TNRC6C: variants seen among roughly 807,000 people sequenced by gnomAD.
TNRC6C encodes the protein trinucleotide repeat-containing gene 6C protein.
A neutral mutation model predicts 153.7 loss-of-function variants in TNRC6C; 20 were observed. The ratio of observed to expected loss-of-function variants is 0.13; its 90% CI spans 0.09 to 0.19. TNRC6C has a LOEUF of 0.19. TNRC6C is among the 10% of genes least tolerant of loss of function. The probability of loss-of-function intolerance (pLI) is 1.00; values close to 1 mark genes in which losing one functional copy is unlikely to be tolerated. For missense variants in TNRC6C, 1,987 were observed against 2,172.0 expected, an observed-to-expected ratio of 0.91 and a Z score of 1.69; for synonymous variants, 811 against 841.4, an observed-to-expected ratio of 0.96 and a Z score of 0.63.
chr17:77,960,048 A>T (rs138512201), intron 1 of TNRC6C, among the ~76,000 whole-genome samples: 49 of 152,138 alleles, frequency 3.2e-4, no homozygotes, highest in African/African-American at 1.2e-3. Context: ...TGCTGCTTGG[A>T]TGTTGTGCCG....
At chr17:78,090,500 G>A (rs2073374135) in intron 13 of TNRC6C, among the ~76,000 whole-genome samples, 2 of 152,348 alleles carry the variant, frequency 1.3e-5, no homozygotes, top group South Asian at 4.1e-4. Flanking sequence ...TATGTGGTAA[G>A]GGGAACTGCA....
chr17:78,044,259 A>G (rs1394311349), intron 2 of TNRC6C, among the ~76,000 whole-genome samples: 1 of 152,248 alleles, frequency 6.6e-6, no homozygotes, highest in Non-Finnish European at 1.5e-5. Context: ...GCTAGTCAAC[A>G]TGGCAACCTA....
intron 13 of TNRC6C, among the ~76,000 whole-genome samples, chr17:78,090,290 A>T (rs567426639): frequency 6.6e-6 from 1 of 151,694 alleles, no homozygotes; most frequent in African/African-American, 2.4e-5. Context: ...CAGGACAGAC[A>T]CTCTCTGGTT....
chr17:78,073,823 G>A (rs1193790653), intron 7 of TNRC6C, among the ~76,000 whole-genome samples: 1 of 151,994 alleles, frequency 6.6e-6, no homozygotes, highest in African/African-American at 2.4e-5. Flanking sequence ...TTCTGACCCT[G>A]GATAATGTGA....
chr17:77,984,366 A>C (rs1327934719), intron 1 of TNRC6C, among the ~76,000 whole-genome samples: 2 of 150,352 alleles, frequency 1.3e-5, no homozygotes, highest in Non-Finnish European at 1.5e-5. Context: ...TAAAAAAAAA[A>C]AACAAAAAAA....
At chr17:78,030,484 C>T (rs113802527) in intron 1 of TNRC6C, among the ~76,000 whole-genome samples, 2,362 of 152,176 alleles carry the variant, frequency 0.016, 57 homozygotes, top group African/African-American at 0.054. Flanking sequence ...ACCACAAACA[C>T]GTGAGTAATG....
At chr17:78,064,057 G>A (rs1338642811) in intron 3 of TNRC6C, among the ~76,000 whole-genome samples, 1 of 152,072 alleles carries the variant, frequency 6.6e-6, no homozygotes, top group African/African-American at 2.4e-5. Flanking sequence ...ATTTTTTCAT[G>A]TTTTGAGACA....
intron 3 of TNRC6C, among the ~76,000 whole-genome samples, chr17:78,052,330 G>C (rs2072554035): frequency 6.6e-6 from 1 of 152,160 alleles, no homozygotes; most frequent in South Asian, 2.1e-4. Flanking sequence ...GAGGGTTGCT[G>C]GGCAATGTCA....
chr17:77,976,542 G>A (rs761020065), intron 1 of TNRC6C, among the ~76,000 whole-genome samples: 1 of 152,130 alleles, frequency 6.6e-6, no homozygotes, highest in Non-Finnish European at 1.5e-5. Flanking sequence ...ATGTGGTGTT[G>A]GATTCTTCAT....
chr17:78,092,602 A>G (rs2073413029), intron 14 of TNRC6C, among the ~76,000 whole-genome samples: 1 of 152,174 alleles, frequency 6.6e-6, no homozygotes, highest in South Asian at 2.1e-4. Flanking sequence ...GTCACTGGCC[A>G]GGCATGGTGG....
At chr17:78,098,499 G>T in exon 17 of TNRC6C, 1 of 1,613,764 alleles carries the variant, frequency 6.2e-7, no homozygotes, top group Non-Finnish European at 8.5e-7. Context: ...TCCACCTGGG[G>T]TGCCAGCCCC....
chr17:78,095,391 T>C (rs1044636522), intron 16 of TNRC6C, among the ~76,000 whole-genome samples: 1 of 152,216 alleles, frequency 6.6e-6, no homozygotes, highest in African/African-American at 2.4e-5. Context: ...AGGAAATGCA[T>C]TGGCCTTTGA....
At chr17:78,004,494 T>A (rs1033998829), upstream of TNRC6C, among the ~76,000 whole-genome samples, 1 of 152,222 alleles carries the variant, frequency 6.6e-6, no homozygotes, top group Non-Finnish European at 1.5e-5. Context: ...AAGGAAGCTG[T>A]GTTTTAGTTG....
At chr17:78,034,517 TC>T in intron 2 of TNRC6C, among the ~76,000 whole-genome samples, 1 of 152,108 alleles carries the variant, frequency 6.6e-6, no homozygotes, top group Middle Eastern at 3.4e-3. Flanking sequence ...CCGTGAGGCT[TC>T]CCCAAGCAGC....
chr17:77,959,184 G>A (rs1301961760), upstream of TNRC6C: 1 of 145,936 alleles, frequency 6.9e-6, no homozygotes, highest in African/African-American at 2.5e-5. Context: ...GAGGCCCTCG[G>A]GCGGTTGTTC....
intron 1 of TNRC6C, among the ~76,000 whole-genome samples, chr17:78,025,066 C>T (rs995456534): frequency 2.2e-4 from 34 of 152,322 alleles, no homozygotes; most frequent in African/African-American, 7.5e-4. Context: ...GCTGGGATTA[C>T]AGGCATGAGT....
At chr17:78,004,264 A>G (rs1457289020), upstream of TNRC6C, 1 of 1,231,584 alleles carries the variant, frequency 8.1e-7, no homozygotes, top group Non-Finnish European at 1.0e-6. Flanking sequence ...AGGTGCTCAG[A>G]AAAAGGTTTG....
At chr17:78,061,632 A>C (rs956695375) in intron 3 of TNRC6C, among the ~76,000 whole-genome samples, 1 of 152,190 alleles carries the variant, frequency 6.6e-6, no homozygotes, top group Non-Finnish European at 1.5e-5. Context: ...CTATGATCAC[A>C]CTTAAGAACA....
intron 1 of TNRC6C, among the ~76,000 whole-genome samples, chr17:78,024,023 T>C (rs1025786922): frequency 6.6e-6 from 1 of 152,026 alleles, no homozygotes; most frequent in Non-Finnish European, 1.5e-5. Flanking sequence ...GGCAGGAGAA[T>C]CACTTGAACC....
Sources: allele counts gnomAD v4.1 joint callset (sites outside exome capture counted in the v4.1 genomes callset), GRCh38; gene constraint gnomAD v4.1.1; transcripts MANE v1.5; gene names NCBI Gene and HGNC (gene_info 2026-07-23, HGNC 2026-07-21).